Variants in EYS observed in about 807,000 individuals in gnomAD.
EYS encodes EGF-like photoreceptor maintenance factor.
EYS carries 250 observed loss-of-function variants against 282.1 expected under a neutral mutation model. That is an observed-to-expected ratio of 0.89 (90% CI 0.80 to 0.98). The LOEUF is 0.98. Among genes scored for constraint, EYS ranks in the 50% least tolerant of loss-of-function variants. EYS has a pLI of 0.00. For missense variants in EYS, 4,016 were observed against 3,709.0 expected, an observed-to-expected ratio of 1.08 and a Z score of -2.15; for synonymous variants, 1,355 against 1,282.9, an observed-to-expected ratio of 1.06 and a Z score of -1.20.
In EYS at chr6:63,778,161, T is replaced by C. The variant is rs956008614; in HGVS notation, c.7743A>G (p.Gln2581=). The C allele has an allele frequency of 6.4e-7, 1 of 1,551,898 alleles. No homozygotes were observed. The highest frequency in any genetic ancestry group is 8.7e-7 in the Non-Finnish European group (1 of 1,146,980). ...NGFQGCIFTL[Q]VRTEKDGHFR... is the part of the protein sequence containing the mutation. ...AATGGCCATCCTTCTCAGTGCGAAC[T>C]TGAAGAGTGAAAATACAGCCTTGAA... Residue 2581 remains glutamine, a synonymous_variant, in exon 40 of 43, where the codon CAA becomes CAG. Coordinates refer to ENST00000503581, the MANE Select transcript of EYS (RefSeq NM_001142800.2).
intron 42 of EYS, among the ~76,000 whole-genome samples, chr6:63,725,529 T>G (rs1441737883): frequency 6.6e-6 from 1 of 152,136 alleles, no homozygotes; most frequent in Non-Finnish European, 1.5e-5. Context: ...TTGTATGTGG[T>G]TCTCCTATTT....
intron 30 of EYS, among the ~76,000 whole-genome samples, chr6:64,236,011 A>G (rs977530550): frequency 6.6e-6 from 1 of 152,220 alleles, no homozygotes; most frequent in Non-Finnish European, 1.5e-5. Flanking sequence ...CCGGGCAGAG[A>G]CACAACCAAA....
intron 1 of EYS, among the ~76,000 whole-genome samples, chr6:65,685,727 A>T (rs909580913): frequency 1.3e-5 from 2 of 152,030 alleles, no homozygotes; most frequent in African/African-American, 4.8e-5. Flanking sequence ...ATGTGAGAGA[A>T]GACAGTTAAT....
intron 22 of EYS, among the ~76,000 whole-genome samples, chr6:64,761,127 C>T (rs998383763): frequency 6.6e-6 from 1 of 152,136 alleles, no homozygotes; most frequent in African/African-American, 2.4e-5. Context: ...TGGGTTGAGA[C>T]CTAACAACTT....
At chr6:63,782,560 G>A (rs751323287) in intron 39 of EYS, among the ~76,000 whole-genome samples, 10 of 152,202 alleles carry the variant, frequency 6.6e-5, no homozygotes, top group Non-Finnish European at 1.2e-4. Flanking sequence ...AGTATTCGCT[G>A]ATGGTAGTTG....
In EYS at chr6:63,778,090, C is replaced by G; in HGVS notation, c.7814G>C (p.Ser2605Thr). ...NPEGHPNAGR[S>T]VGQCHASPCS... ...GGGAGAAGCATGACACTGGCCAACA[C>G]TGCGTCCAGCATTTGGGTGGCCCTC... The change falls in exon 40 of 43, where the codon AGT becomes ACT. Residue 2605 changes from serine to threonine, a missense_variant. Physicochemically the swap from Ser to Thr is moderately conservative, Grantham distance 58 (BLOSUM62 1). Transcript: ENST00000503581. 6.4e-7 allele frequency: 1 copy of G among 1,551,760 alleles called. No individual in the cohort carries two copies. Among genetic ancestry groups the G allele is most frequent in the Non-Finnish European group, 8.7e-7 (1 of 1,146,960 alleles).
intron 35 of EYS, among the ~76,000 whole-genome samples, chr6:63,948,650 C>T (rs1765471280): frequency 1.3e-5 from 2 of 151,998 alleles, no homozygotes; most frequent in Admixed American, 6.6e-5. Flanking sequence ...TTCTCCTGAA[C>T]CAATTTTTTT....
chr6:65,509,257 T>C (rs1028064225), intron 2 of EYS, among the ~76,000 whole-genome samples: 1 of 152,218 alleles, frequency 6.6e-6, no homozygotes, highest in African/African-American at 2.4e-5. Context: ...ATGGTTGATG[T>C]GGAATCTAGA....
chr6:65,205,293 A>C lies in EYS; in HGVS notation c.2023+90570T>G, dbSNP rs1314639948. Reference sequence around the variant, plus strand: ...ACAGACTTCAAAGAAACAACAGTTAAAAACATTAACAAAGAATGGCATTAT... The same window carrying C: ...ACAGACTTCAAAGAAACAACAGTTACAAACATTAACAAAGAATGGCATTAT... On this transcript the variant is annotated intron_variant, in intron 12 of 42. Coordinates refer to ENST00000503581, the MANE Select transcript of EYS (RefSeq NM_001142800.2). Among the ~76,000 whole-genome samples the C allele has an allele frequency of 2.6e-5, 4 of 151,484 alleles. 1 individual carries two copies.
intron 12 of EYS, among the ~76,000 whole-genome samples, chr6:65,060,178 AATTTATG>A (rs1473074600): frequency 6.6e-6 from 1 of 151,972 alleles, no homozygotes; most frequent in African/African-American, 2.4e-5. Flanking sequence ...GAGGATAAAG[AATTTATG>A]ATCTTAGACA....
At chr6:64,356,822 T>A (rs1481644534) in intron 29 of EYS, among the ~76,000 whole-genome samples, 1 of 151,608 alleles carries the variant, frequency 6.6e-6, no homozygotes, top group African/African-American at 2.4e-5. Flanking sequence ...CAACATAATC[T>A]CCTTTTTTTC....
intron 32 of EYS, among the ~76,000 whole-genome samples, chr6:64,076,054 A>T (rs530028104): frequency 4.9e-4 from 75 of 151,940 alleles, no homozygotes; most frequent in Non-Finnish European, 9.0e-4. Flanking sequence ...GCTTGCAAAC[A>T]TATCTACTTC....
chr6:65,270,431 T>A (rs1396154369), intron 12 of EYS, among the ~76,000 whole-genome samples: 1 of 152,146 alleles, frequency 6.6e-6, no homozygotes, highest in Non-Finnish European at 1.5e-5. Flanking sequence ...CTGCTCATGG[T>A]TTTGAGTGAA....
At chr6:65,348,746 G>A (rs1770492824) in intron 9 of EYS, among the ~76,000 whole-genome samples, 1 of 151,338 alleles carries the variant, frequency 6.6e-6, no homozygotes, top group African/African-American at 2.4e-5. Context: ...TTTTTTGTTT[G>A]ATTACTAGTG....
chr6:65,136,305 T>A (rs1450384802), intron 12 of EYS, among the ~76,000 whole-genome samples: 3 of 152,060 alleles, frequency 2.0e-5, no homozygotes, highest in Admixed American at 1.3e-4. Flanking sequence ...CAAATTTGAA[T>A]AAACTTTCTT....
At chr6:65,177,378 T>A (rs560801358) in intron 12 of EYS, among the ~76,000 whole-genome samples, 5 of 152,020 alleles carry the variant, frequency 3.3e-5, no homozygotes, top group African/African-American at 1.2e-4. Flanking sequence ...ATGGGCATTA[T>A]GTTAATATCT....
At chr6:64,569,660 G>A (rs1339322395) in intron 26 of EYS, among the ~76,000 whole-genome samples, 1 of 151,986 alleles carries the variant, frequency 6.6e-6, no homozygotes, top group African/African-American at 2.4e-5. Context: ...AGAATTGCGT[G>A]AACCCGGGAG....
intron 14 of EYS, among the ~76,000 whole-genome samples, chr6:64,975,524 A>G (rs1043480141): frequency 1.3e-5 from 2 of 151,950 alleles, no homozygotes; most frequent in South Asian, 4.1e-4. Flanking sequence ...TGTCATATTC[A>G]CATGAATAGC....
intron 35 of EYS, among the ~76,000 whole-genome samples, chr6:63,936,908 A>G (rs1159449530): frequency 6.6e-6 from 1 of 152,230 alleles, no homozygotes; most frequent in Non-Finnish European, 1.5e-5. Context: ...ATAACATGTC[A>G]TGAGGATATG....
Sources: gnomAD v4.1 joint callset for allele counts (sites outside exome capture counted in the v4.1 genomes callset) on GRCh38, gnomAD v4.1.1 for gene constraint, MANE v1.5 for transcripts, NCBI Gene and HGNC (gene_info 2026-07-23, HGNC 2026-07-21) for gene names.